GNAS-AS1: variants seen among roughly 807,000 people sequenced by gnomAD.
GNAS-AS1 encodes GNAS antisense RNA 1 (non-protein coding).
At position 58,849,354 on chromosome 20, in the gene GNAS-AS1, G is replaced by A. The variant is rs113406216; in HGVS notation, n.375-437C>T. On this transcript the variant is annotated intron_variant and non_coding_transcript_variant, in intron 1 of 4. Transcript: ENST00000424094. ...TTCTGAGTCCTCCCTACTCACTCCTGGACTGTCTCCCTTTTTCCTGTCCAG... is the reference window on the plus strand; with the variant it reads ...TTCTGAGTCCTCCCTACTCACTCCTAGACTGTCTCCCTTTTTCCTGTCCAG... 2.4e-3 allele frequency among the ~76,000 whole-genome samples: 366 copies of A among 152,164 alleles called. 1 individual carries two copies. Among genetic ancestry groups the A allele is most frequent in the African/African-American group, 8.2e-3 (339 of 41,506 alleles).
At chr20:58,845,821 C>G (rs549150101) in intron 2 of GNAS-AS1, among the ~76,000 whole-genome samples, 1 of 152,212 alleles carries the variant, frequency 6.6e-6, no homozygotes, top group Non-Finnish European at 1.5e-5. Context: ...GCCTGCAATG[C>G]GGGGCCACCA....
intron 1 of GNAS-AS1, among the ~76,000 whole-genome samples, chr20:58,850,317 C>T (rs1446201712): frequency 6.6e-6 from 1 of 152,186 alleles, no homozygotes; most frequent in Non-Finnish European, 1.5e-5. Context: ...TTTTAGTCAC[C>T]TCCATGCATG....
At chr20:58,844,837 C>T (rs909234220) in intron 2 of GNAS-AS1, among the ~76,000 whole-genome samples, 1 of 151,760 alleles carries the variant, frequency 6.6e-6, no homozygotes, top group South Asian at 2.1e-4. Context: ...CAACAAAAAA[C>T]CCCGAAAAAC....
At position 58,841,802 on chromosome 20, in the gene GNAS-AS1, C is replaced by T. The variant is rs56413425; in HGVS notation, n.819+135G>A. ...GCTGGTCGGGTGGCCAGGCTGCATG[C>T]GGCTTAGCAGGAGACGTCCTGGGCT... On this transcript the variant is annotated intron_variant and non_coding_transcript_variant, in intron 4 of 4. Transcript: ENST00000424094. This position sits in a 1 kb window ranked among gnomAD's most constrained non-coding sequence, Gnocchi z 5.0. The T allele has an allele frequency of 3.3e-6, 4 of 1,230,540 alleles. No individual in the cohort carries two copies. The highest frequency in any genetic ancestry group is 4.0e-6 in the Non-Finnish European group (4 of 987,826). 76.2% of individuals were successfully genotyped at this position (1,230,540 alleles called of 1,614,324 possible).
At position 58,840,177 on chromosome 20, in the gene GNAS-AS1, T is replaced by C. The variant is rs537714939; in HGVS notation, n.819+1760A>G. 1.2e-5 allele frequency: 19 copies of C among 1,611,442 alleles called. No homozygotes were observed. The South Asian group carries it at 1.3e-4, about 11-fold the overall frequency. ...AATTACAACGACCTGTGCCCGCCCA[T>C]AGGCCGCCGGGCAGCCACCGCGCTC... On this transcript the variant is annotated intron_variant and non_coding_transcript_variant, in intron 4 of 4. Coordinates refer to ENST00000424094, the Ensembl canonical transcript of GNAS-AS1. The surrounding 1 kb of genome is among the most constrained non-coding windows in gnomAD (Gnocchi z 6.0).
intron 2 of GNAS-AS1, among the ~76,000 whole-genome samples, chr20:58,844,446 T>C (rs888082820): frequency 6.6e-6 from 1 of 152,178 alleles, no homozygotes; most frequent in Non-Finnish European, 1.5e-5. Context: ...CTATTTCCTA[T>C]AACTTGATGT....
At chr20:58,825,590 T>C (rs1600643870) in intron 4 of GNAS-AS1, among the ~76,000 whole-genome samples, 1 of 152,196 alleles carries the variant, frequency 6.6e-6, no homozygotes, top group Non-Finnish European at 1.5e-5. Flanking sequence ...TAGAGAGAAG[T>C]GTGAAGTGCA....
chr20:58,819,531 A>G (rs2085471133), intron 4 of GNAS-AS1, among the ~76,000 whole-genome samples: 2 of 152,206 alleles, frequency 1.3e-5, no homozygotes, highest in Non-Finnish European at 2.9e-5. Flanking sequence ...AGCAGGTTTC[A>G]ATGAAATGGG....
At chr20:58,833,615 G>A (rs941654684) in intron 4 of GNAS-AS1, among the ~76,000 whole-genome samples, 1 of 152,080 alleles carries the variant, frequency 6.6e-6, no homozygotes. Flanking sequence ...TGGAAACCAA[G>A]TATCCACCAC....
Position 58,840,793 on chromosome 20 carries a change from G to T in GNAS-AS1, n.819+1144C>A. 6.2e-7 allele frequency: 1 copy of T among 1,611,978 alleles called. No homozygotes were observed. On this transcript the variant is annotated intron_variant and non_coding_transcript_variant, in intron 4 of 4. Coordinates refer to ENST00000424094, the Ensembl canonical transcript of GNAS-AS1. This position sits in a 1 kb window ranked among gnomAD's most constrained non-coding sequence, Gnocchi z 6.0. ...CAAAGAAGCCCACCCGCCGTGACGC[G>T]TCCCCGGAGTCCCCTTCCAAAAAGG... is the stretch of plus-strand genomic sequence containing the variant.
chr20:58,834,023 A>G (rs1166405248), intron 4 of GNAS-AS1: 7 of 152,170 alleles, frequency 4.6e-5, no homozygotes, highest in African/African-American at 1.7e-4. Context: ...TATTTTGAAG[A>G]GCTCGAGCTG....
chr20:58,842,298 G>A (rs1333649895), intron 3 of GNAS-AS1: 4 of 397,672 alleles, frequency 1.0e-5, no homozygotes, highest in African/African-American at 4.1e-5. Flanking sequence ...CCTGGTGTGC[G>A]TGTCTCATTT....
chr20:58,830,868 T>C (rs1336513807), intron 4 of GNAS-AS1, among the ~76,000 whole-genome samples: 1 of 151,926 alleles, frequency 6.6e-6, no homozygotes, highest in Non-Finnish European at 1.5e-5. Context: ...TTGAGCCCTC[T>C]CATAAGATAC....
chr20:58,823,128 C>T (rs779220077), intron 4 of GNAS-AS1, among the ~76,000 whole-genome samples: 7 of 152,206 alleles, frequency 4.6e-5, no homozygotes, highest in Non-Finnish European at 1.0e-4. Flanking sequence ...AATGCAGTGG[C>T]CTCCAAATCC....
At chr20:58,824,337 G>A (rs960768567) in intron 4 of GNAS-AS1, among the ~76,000 whole-genome samples, 1 of 152,240 alleles carries the variant, frequency 6.6e-6, no homozygotes, top group Non-Finnish European at 1.5e-5. Flanking sequence ...ATACACATGT[G>A]AAAAATTGTT....
In GNAS-AS1 at chr20:58,840,924, G is replaced by A. The variant is rs1040085351; in HGVS notation, n.819+1013C>T. ...CCGCTAAACTGGGGAGCCTGAGGGC[G>A]GTGTGGGAGCAGCGCAGGTGGAAAG... On this transcript the variant is annotated intron_variant and non_coding_transcript_variant, in intron 4 of 4. Transcript: ENST00000424094. The surrounding 1 kb of genome is among the most constrained non-coding windows in gnomAD (Gnocchi z 6.0). 6.2e-7 allele frequency: 1 copy of A among 1,606,956 alleles called. No homozygotes were observed. Among genetic ancestry groups the A allele is most frequent in the South Asian group, 1.1e-5 (1 of 90,348 alleles).
intron 4 of GNAS-AS1, among the ~76,000 whole-genome samples, chr20:58,832,306 A>G (rs1322320835): frequency 6.6e-6 from 1 of 152,230 alleles, no homozygotes; most frequent in Admixed American, 6.5e-5. Context: ...CCTTAATGAG[A>G]GAAATAGTGA....
At chr20:58,829,617 G>GCAC (rs2085541343) in intron 4 of GNAS-AS1, among the ~76,000 whole-genome samples, 1 of 152,170 alleles carries the variant, frequency 6.6e-6, no homozygotes, top group Non-Finnish European at 1.5e-5. Context: ...GCTTGGAACT[G>GCAC]CACCACCCTC....
At chr20:58,842,554 T>TA (rs2085779405) in intron 2 of GNAS-AS1, 2 of 398,608 alleles carry the variant, frequency 5.0e-6, no homozygotes, top group Admixed American at 4.4e-5. Flanking sequence ...CCCTAGTAAA[T>TA]ACGGAGAAAC....
Sources: allele counts gnomAD v4.1 joint callset (sites outside exome capture counted in the v4.1 genomes callset), GRCh38; gene constraint gnomAD v4.1.1; non-coding constraint Gnocchi (gnomAD v3.1); transcripts MANE v1.5; gene names NCBI Gene and HGNC (gene_info 2026-07-23, HGNC 2026-07-21).